The following FBXW11 variants were observed in gnomAD, a reference collection of about 807,000 sequenced individuals.
FBXW11 encodes F-box/WD repeat-containing protein 11.
Under a neutral mutation model 77.6 loss-of-function variants are expected in FBXW11, and 19 were observed. That is an observed-to-expected ratio of 0.24 (90% CI 0.17 to 0.36). FBXW11 has a LOEUF of 0.36. FBXW11 is among the 10% of genes least tolerant of loss of function. The pLI is 1.00. For synonymous variants in FBXW11, 235 were observed against 249.4 expected (o/e 0.94, Z 0.54); for missense variants, 334 against 704.2 (o/e 0.47, Z 5.95).
intron 1 of FBXW11, among the ~76,000 whole-genome samples, chr5:171,967,961 C>A (rs2113396172): frequency 6.7e-6 from 1 of 148,432 alleles, no homozygotes; most frequent in Non-Finnish European, 1.5e-5. Flanking sequence ...TTATTTTATT[C>A]TTTTGGGCTG....
intron 9 of FBXW11, among the ~76,000 whole-genome samples, chr5:171,875,263 A>T (rs1037336149): frequency 7.2e-5 from 1 of 13,896 alleles, no homozygotes; most frequent in Non-Finnish European, 2.3e-3. Flanking sequence ...AAAAAAAAAA[A>T]AAAAAAAGAA....
intron 6 of FBXW11, among the ~76,000 whole-genome samples, chr5:171,897,257 T>C (rs546764541): frequency 3.6e-4 from 55 of 152,364 alleles, no homozygotes; most frequent in African/African-American, 1.3e-3. Flanking sequence ...AGTGGTACAT[T>C]ACTTTTATGA....
chr5:171,984,835 G>A (rs1055831430), intron 1 of FBXW11, among the ~76,000 whole-genome samples: 14 of 152,130 alleles, frequency 9.2e-5, no homozygotes, highest in Admixed American at 3.3e-4. Context: ...AAGGCAGGTC[G>A]AAGTTACATT....
intron 9 of FBXW11, among the ~76,000 whole-genome samples, chr5:171,875,649 CAA>C (rs1246756715): frequency 1.3e-5 from 2 of 152,004 alleles, no homozygotes; most frequent in Admixed American, 6.5e-5. Flanking sequence ...AGCTAAAATT[CAA>C]AAAAGTTAGC....
chr5:171,930,747 T>TAAAAAAAAAAAAAAAAAA (rs1204789808), intron 2 of FBXW11, among the ~76,000 whole-genome samples: 4 of 41,508 alleles, frequency 9.6e-5, no homozygotes, highest in African/African-American at 1.8e-4. Flanking sequence ...AAATAAAAAA[T>TAAAAAAAAAAAAAAAAAA]AAAAAATAAA....
At chr5:171,996,982 T>C in intron 1 of FBXW11, 1 of 1,289,826 alleles carries the variant, frequency 7.8e-7, no homozygotes, top group Non-Finnish European at 1.0e-6. Context: ...CAGTCAAGCA[T>C]CTTCCAAGAT....
At chr5:171,988,725 A>T (rs943209485) in intron 1 of FBXW11, among the ~76,000 whole-genome samples, 4 of 151,782 alleles carry the variant, frequency 2.6e-5, no homozygotes, top group Admixed American at 6.6e-5. Context: ...GGTGCCTGTA[A>T]TCCCAGTTAC....
chr5:171,924,950 T>C (rs1325900529), intron 2 of FBXW11, among the ~76,000 whole-genome samples: 2 of 152,132 alleles, frequency 1.3e-5, no homozygotes, highest in Non-Finnish European at 1.5e-5. Context: ...CTTGTCTAGA[T>C]GCCGGTGCCC....
chr5:171,985,733 C>T (rs1332756267), intron 1 of FBXW11, among the ~76,000 whole-genome samples: 1 of 152,076 alleles, frequency 6.6e-6, no homozygotes, highest in African/African-American at 2.4e-5. Flanking sequence ...CACCTCTGCA[C>T]CACTTCAGTC....
intron 7 of FBXW11, among the ~76,000 whole-genome samples, chr5:171,884,113 A>G (rs1835953): frequency 0.79 from 120,652 of 152,206 alleles, 51,427 homozygotes; most frequent in East Asian, 0.97. Flanking sequence ...ATCCTTGCCT[A>G]AGCCAATGTC....
chr5:171,925,265 G>A (rs1309762932), intron 2 of FBXW11, among the ~76,000 whole-genome samples: 1 of 152,162 alleles, frequency 6.6e-6, no homozygotes. Flanking sequence ...GGTTAGCAGA[G>A]TATAATAAAT....
chr5:172,004,697 T>C (rs1276482816), intron 1 of FBXW11, among the ~76,000 whole-genome samples: 1 of 152,200 alleles, frequency 6.6e-6, no homozygotes, highest in African/African-American at 2.4e-5. Context: ...ACATGCACTG[T>C]GTGTACATTC....
intron 2 of FBXW11, among the ~76,000 whole-genome samples, chr5:171,915,445 A>G (rs1415293577): frequency 6.6e-6 from 1 of 152,226 alleles, no homozygotes; most frequent in Admixed American, 6.5e-5. Flanking sequence ...TTTCCAAACA[A>G]TCCATTTGAA....
At chr5:171,937,664 T>C (rs1332623335) in intron 2 of FBXW11, among the ~76,000 whole-genome samples, 1 of 151,518 alleles carries the variant, frequency 6.6e-6, no homozygotes, top group Non-Finnish European at 1.5e-5. Flanking sequence ...CCGCCTCTAC[T>C]AAAAAATACA....
Position 171,891,453 on chromosome 5 carries a change from A to G in FBXW11, c.852+14T>C. 1 of 1,567,430 alleles carries G rather than the reference A, an allele frequency of 6.4e-7. No individual in the cohort carries two copies. Among genetic ancestry groups the G allele is most frequent in the East Asian group, 2.3e-5 (1 of 43,434 alleles). ...CGATTCTAAAAATAATACATAAAAA[A>G]TTCAGTCATTCACCTTAATAGAATT... On this transcript the variant is annotated intron_variant, in intron 7 of 13. Transcript: ENST00000517395.
chr5:171,899,222 G>T, intron 5 of FBXW11, 128 bp from the exon 6 acceptor site: 2 of 600,274 alleles, frequency 3.3e-6, no homozygotes, highest in Non-Finnish European at 2.8e-6. Flanking sequence ...CAGTTCAAAA[G>T]CAGGATTTCT....
At chr5:171,961,923 A>G (rs1763934338) in intron 1 of FBXW11, among the ~76,000 whole-genome samples, 1 of 152,258 alleles carries the variant, frequency 6.6e-6, no homozygotes, top group Non-Finnish European at 1.5e-5. Context: ...CTGGCATTAA[A>G]GGCATGAGCC....
At chr5:171,922,614 C>A (rs759825663) in intron 2 of FBXW11, among the ~76,000 whole-genome samples, 2 of 152,198 alleles carry the variant, frequency 1.3e-5, no homozygotes, top group Non-Finnish European at 2.9e-5. Context: ...CCTCTCCGGA[C>A]AAACACTAAA....
intron 1 of FBXW11, among the ~76,000 whole-genome samples, chr5:171,968,487 T>C (rs1345857577): frequency 6.6e-6 from 1 of 151,930 alleles, no homozygotes; most frequent in Non-Finnish European, 1.5e-5. Flanking sequence ...TGGTTGCACT[T>C]TGAGGTAACA....
Sources: gnomAD v4.1 joint callset for allele counts (sites outside exome capture counted in the v4.1 genomes callset) on GRCh38, gnomAD v4.1.1 for gene constraint, MANE v1.5 for transcripts, NCBI Gene and HGNC (gene_info 2026-07-23, HGNC 2026-07-21) for gene names.